Variants in GTF2H2C observed in about 807,000 individuals in gnomAD.
GTF2H2C encodes the protein GTF2H2 family member C.
Under a neutral mutation model 24.8 loss-of-function variants are expected in GTF2H2C, and 5 were observed. That is an observed-to-expected ratio of 0.20 (90% CI 0.11 to 0.42). The LOEUF is 0.42. GTF2H2C is among the 20% of genes least tolerant of loss of function. The pLI, the probability that GTF2H2C is intolerant of heterozygous loss-of-function variation, is 1.00. For missense variants in GTF2H2C, 45 were observed against 169.8 expected (o/e 0.27, Z 4.08); for synonymous variants, 14 against 52.6 (o/e 0.27, Z 3.18).
chr5:69,566,724 T>C, intron 5 of GTF2H2C, 99 bp downstream of exon 5: 2 of 578,436 alleles, frequency 3.5e-6, no homozygotes, highest in South Asian at 4.3e-5. Context: ...ACAAAGTTTT[T>C]AAAAGAATAT....
chr5:69,563,699 T>C (rs1244302574), intron 2 of GTF2H2C, among the ~76,000 whole-genome samples: 1 of 152,086 alleles, frequency 6.6e-6, no homozygotes, highest in Non-Finnish European at 1.5e-5. Context: ...CATCCTTCCC[T>C]GTCTAATAGT....
chr5:69,565,017 A>G (rs1466772826), intron 2 of GTF2H2C, 83 bp from the exon 3 acceptor site: 3 of 1,014,202 alleles, frequency 3.0e-6, no homozygotes, highest in East Asian at 2.6e-5. Context: ...TTTACTTTAT[A>G]TATGTGTCTA....
intron 1 of GTF2H2C, among the ~76,000 whole-genome samples, chr5:69,562,317 AAAACAAAAAAAG>A (rs1770419585): frequency 6.6e-6 from 1 of 151,906 alleles, no homozygotes; most frequent in Non-Finnish European, 1.5e-5. Context: ...ACTCCGCCTT[AAAACAAAAAAAG>A]AAACAAAAAT....
intron 1 of GTF2H2C, chr5:69,560,681 A>G (rs1308164673): frequency 1.3e-5 from 2 of 151,098 alleles, no homozygotes; most frequent in African/African-American, 4.9e-5. Context: ...GAGCTCATGT[A>G]ACGGGAATCA....
chr5:69,568,643 C>A, intron 8 of GTF2H2C: 1 of 112,998 alleles, frequency 8.8e-6, no homozygotes, highest in Non-Finnish European at 1.8e-5. Flanking sequence ...ACTACAGATG[C>A]CCGCCACCAC....
chr5:69,578,863 TTA>T, intron 10 of GTF2H2C, 61 bp downstream of exon 10: 1 of 137,884 alleles, frequency 7.3e-6, no homozygotes, highest in South Asian at 1.3e-4. Context: ...GCAAATTGAT[TTA>T]TATATATATG....
At chr5:69,573,228 C>T (rs1228422714) in intron 9 of GTF2H2C, among the ~76,000 whole-genome samples, 2 of 138,530 alleles carry the variant, frequency 1.4e-5, no homozygotes, top group East Asian at 4.2e-4. Flanking sequence ...CTCTGTCACC[C>T]AGGCTGGCAT....
chr5:69,579,953 GA>G, intron 12 of GTF2H2C, 89 bp downstream of exon 12: 16 of 1,293,190 alleles, frequency 1.2e-5, no homozygotes, highest in Non-Finnish European at 1.7e-5. Flanking sequence ...AATTTTTAAA[GA>G]AAAAATATGC....
chr5:69,591,458 C>CT (rs779304542), intron 16 of GTF2H2C, among the ~76,000 whole-genome samples: 12,915 of 136,692 alleles, frequency 0.094, 533 homozygotes, highest in Middle Eastern at 0.11. Flanking sequence ...TTTATTCATT[C>CT]TTTTTTTTTT....
At chr5:69,591,439 T>C (rs1210410559) in intron 16 of GTF2H2C, among the ~76,000 whole-genome samples, 5 of 146,428 alleles carry the variant, frequency 3.4e-5, no homozygotes, top group African/African-American at 1.3e-4. Flanking sequence ...CTGTGTTGTT[T>C]GAAATTTATT....
chr5:69,573,008 C>T (rs1351975500), intron 9 of GTF2H2C, among the ~76,000 whole-genome samples: 1 of 121,424 alleles, frequency 8.2e-6, no homozygotes, highest in Non-Finnish European at 1.7e-5. Flanking sequence ...AAAGGAAATA[C>T]TTGGTATAGT....
intron 9 of GTF2H2C, among the ~76,000 whole-genome samples, chr5:69,573,143 T>TACACACAC (rs754356211): frequency 0.015 from 1,353 of 91,890 alleles, 42 homozygotes; most frequent in East Asian, 0.048. Flanking sequence ...ATCTATTATA[T>TACACACAC]ATACACACAC....
intron 1 of GTF2H2C, among the ~76,000 whole-genome samples, chr5:69,561,048 C>T (rs558769666): frequency 1.1e-3 from 174 of 151,704 alleles, no homozygotes; most frequent in African/African-American, 4.1e-3. Context: ...GAGCCACCCA[C>T]CTGGCCTCGG....
Position 69,578,809 on chromosome 5 carries a change from CA to C in GTF2H2C, c.561+13del. ...TATTTATGATCTAATCAAGGTAGAC[CA>C]AAAAATCAAAACCAAAGTTATAACT... On this transcript the variant is annotated splice_region_variant and intron_variant, in intron 10 of 16. Coordinates refer to ENST00000380729, the MANE Select transcript of GTF2H2C (RefSeq NM_001376000.2). 2 of 94,084 alleles carry C rather than the reference CA, an allele frequency of 2.1e-5. No individual in the cohort carries two copies. Among genetic ancestry groups the C allele is most frequent in the Non-Finnish European group, 2.4e-5 (1 of 42,346 alleles). The allele number at this position is 94,084 out of a possible 1,614,324, so 5.8% of individuals were successfully genotyped here. A position where few individuals can be genotyped will look rare whatever the true frequency, so the allele number is the denominator to read the frequency against.
chr5:69,569,648 C>T (rs1364340749), intron 8 of GTF2H2C: 1 of 70,666 alleles, frequency 1.4e-5, no homozygotes, highest in African/African-American at 3.2e-5. Flanking sequence ...TTTCCTCTCA[C>T]TTTACCCACC....
rs1333017654 is a variant in GTF2H2C at position 69,594,566 on chromosome 5, T to C, written c.*2368T>C. Reference sequence around the variant, plus strand: ...TTTATGTGGAAACAAATTTCACCTATAGGTAACCTGGTAACTGCTATTTTC... The same window carrying C: ...TTTATGTGGAAACAAATTTCACCTACAGGTAACCTGGTAACTGCTATTTTC... On this transcript the variant is annotated 3_prime_UTR_variant, in exon 17 of 17. Coordinates refer to ENST00000380729, the MANE Select transcript of GTF2H2C (RefSeq NM_001376000.2). 7.4e-6 allele frequency: 1 copy of C among 135,572 alleles called. No individual in the cohort carries two copies. Among genetic ancestry groups the C allele is most frequent in the African/African-American group, 2.6e-5 (1 of 38,200 alleles). 8.4% of individuals were successfully genotyped at this position (135,572 alleles called of 1,614,324 possible).
At chr5:69,573,025 T>G (rs1403840446) in intron 9 of GTF2H2C, among the ~76,000 whole-genome samples, 1 of 131,866 alleles carries the variant, frequency 7.6e-6, no homozygotes, top group Non-Finnish European at 1.6e-5. Flanking sequence ...TAGTTAAAGC[T>G]TATATATATA....
intron 12 of GTF2H2C, among the ~76,000 whole-genome samples, chr5:69,580,897 CTT>C (rs1310718207): frequency 2.2e-5 from 2 of 90,500 alleles, no homozygotes; most frequent in Non-Finnish European, 2.3e-5. Context: ...TTTTTTTTTT[CTT>C]TTTTTTTTTG....
In GTF2H2C at chr5:69,579,789, T is replaced by A. The variant is rs371659095; in HGVS notation, c.682T>A (p.Tyr228Asn). ...TYHVILDESHYKELLTHHLSP... is the reference protein window; with the variant it reads ...TYHVILDESHNKELLTHHLSP... ...CCATGTTATTTTAGATGAAAGCCATTACAAAGAGTTGCTCACACATCATCT... is the reference window on the plus strand; with the variant it reads ...CCATGTTATTTTAGATGAAAGCCATAACAAAGAGTTGCTCACACATCATCT... Residue 228 changes from tyrosine (Y) to asparagine (N), a missense_variant, in exon 12 of 17, where the codon TAC (tyrosine) becomes AAC (asparagine). Coordinates refer to ENST00000380729, the MANE Select transcript of GTF2H2C (RefSeq NM_001376000.2). 6.2e-7 allele frequency: 1 copy of A among 1,607,380 alleles called. No individual in the cohort carries two copies. The highest frequency in any genetic ancestry group is 8.5e-7 in the Non-Finnish European group (1 of 1,179,206).
Sources: allele counts gnomAD v4.1 joint callset (sites outside exome capture counted in the v4.1 genomes callset), GRCh38; gene constraint gnomAD v4.1.1; transcripts MANE v1.5; gene names NCBI Gene and HGNC (gene_info 2026-07-23, HGNC 2026-07-21).